The following CDH12 variants were observed in gnomAD, a reference collection of about 807,000 sequenced individuals.
The protein encoded by CDH12 is cadherin 12.
CDH12 carries 41 observed loss-of-function variants against 74.1 expected under a neutral mutation model. The observed-to-expected ratio is 0.55, with a 90% CI of 0.43 to 0.72. The LOEUF is 0.72. CDH12 is among the 30% of genes least tolerant of loss of function. The pLI, the probability that CDH12 is intolerant of heterozygous loss-of-function variation, is 0.00. For missense variants in CDH12, 945 were observed against 977.2 expected (o/e 0.97, Z 0.44); for synonymous variants, 399 against 355.0 (o/e 1.12, Z -1.39).
chr5:22,452,749 G>T (rs953447526), intron 2 of CDH12, among the ~76,000 whole-genome samples: 5 of 151,350 alleles, frequency 3.3e-5, no homozygotes, highest in African/African-American at 1.2e-4. Flanking sequence ...AAAACCTTCT[G>T]CACAACAGAG....
At chr5:22,414,002 T>G (rs551117411) in intron 2 of CDH12, among the ~76,000 whole-genome samples, 28 of 152,168 alleles carry the variant, frequency 1.8e-4, no homozygotes, top group African/African-American at 6.3e-4. Context: ...TAATTACATT[T>G]AGTCCTCAAA....
intron 5 of CDH12, among the ~76,000 whole-genome samples, chr5:22,051,386 T>C (rs983095514): frequency 6.6e-6 from 1 of 152,306 alleles, no homozygotes; most frequent in African/African-American, 2.4e-5. Context: ...TAAAATATGA[T>C]ATTTTAATTC....
chr5:21,942,347 T>TATATATATATATAC (rs1225173229), intron 6 of CDH12, among the ~76,000 whole-genome samples: 7 of 129,668 alleles, frequency 5.4e-5, no homozygotes, highest in African/African-American at 1.9e-4. Flanking sequence ...TATATATATA[T>TATATATATATATAC]ACACACACAC....
intron 3 of CDH12, among the ~76,000 whole-genome samples, chr5:22,382,472 G>A (rs2968279): frequency 0.42 from 63,239 of 151,298 alleles, 14,540 homozygotes; most frequent in Non-Finnish European, 0.52. Context: ...GCATCATGAG[G>A]CTTCCTAGCT....
At chr5:22,376,178 G>T (rs184034804) in intron 3 of CDH12, among the ~76,000 whole-genome samples, 1 of 152,172 alleles carries the variant, frequency 6.6e-6, no homozygotes, top group Non-Finnish European at 1.5e-5. Context: ...AGGTCATTAT[G>T]TTAAGTGAGA....
intron 6 of CDH12, among the ~76,000 whole-genome samples, chr5:21,946,248 A>G (rs1471499269): frequency 1.3e-5 from 2 of 152,188 alleles, no homozygotes; most frequent in African/African-American, 4.8e-5. Context: ...TAACAAACTT[A>G]CCTTTAAAGA....
At chr5:22,448,869 G>A (rs1744932590) in intron 2 of CDH12, among the ~76,000 whole-genome samples, 1 of 151,760 alleles carries the variant, frequency 6.6e-6, no homozygotes, top group Non-Finnish European at 1.5e-5. Context: ...ATAATGTATA[G>A]AAAAATGCTT....
At chr5:22,434,138 G>T (rs1744280585) in intron 2 of CDH12, among the ~76,000 whole-genome samples, 1 of 152,120 alleles carries the variant, frequency 6.6e-6, no homozygotes, top group Non-Finnish European at 1.5e-5. Flanking sequence ...AAATATTTGT[G>T]TAGAGCTATT....
chr5:22,401,621 A>G (rs554567898), intron 3 of CDH12, among the ~76,000 whole-genome samples: 1 of 152,286 alleles, frequency 6.6e-6, no homozygotes, highest in South Asian at 2.1e-4. Context: ...TTTCCAAACT[A>G]TCATACAAGT....
chr5:21,799,916 A>C (rs1747016326), intron 10 of CDH12, among the ~76,000 whole-genome samples: 1 of 152,160 alleles, frequency 6.6e-6, no homozygotes, highest in Non-Finnish European at 1.5e-5. Context: ...GGTGGAGGTT[A>C]TATTGCCACC....
chr5:22,833,907 T>C (rs987323038), intron 1 of CDH12, among the ~76,000 whole-genome samples: 1 of 152,070 alleles, frequency 6.6e-6, no homozygotes, highest in African/African-American at 2.4e-5. Flanking sequence ...AAACTTCCCT[T>C]AGAAATAACC....
chr5:21,875,560 T>C (rs1166798148), intron 6 of CDH12, among the ~76,000 whole-genome samples: 2 of 124 alleles, frequency 0.016, no homozygotes, highest in Admixed American at 0.1. Context: ...ACCATTGCTC[T>C]GTCCAAAACT....
At chr5:22,775,012 T>C (rs1281523929) in intron 1 of CDH12, among the ~76,000 whole-genome samples, 1 of 151,402 alleles carries the variant, frequency 6.6e-6, no homozygotes, top group African/African-American at 2.4e-5. Context: ...ACAAACAATG[T>C]TTTATATATT....
intron 1 of CDH12, among the ~76,000 whole-genome samples, chr5:22,627,971 A>G (rs1738385484): frequency 6.6e-6 from 1 of 152,184 alleles, no homozygotes. Context: ...CTTTAATCCA[A>G]CAAAGATTAA....
chr5:22,347,067 G>C (rs956511524), intron 3 of CDH12, among the ~76,000 whole-genome samples: 4 of 152,214 alleles, frequency 2.6e-5, no homozygotes, highest in Non-Finnish European at 4.4e-5. Context: ...AAGGATAAAA[G>C]TGATTGTTGC....
At chr5:22,708,774 A>G (rs1743149683) in intron 1 of CDH12, among the ~76,000 whole-genome samples, 1 of 152,218 alleles carries the variant, frequency 6.6e-6, no homozygotes, top group African/African-American at 2.4e-5. Flanking sequence ...AAATAGAAAA[A>G]TGAATATAAG....
chr5:21,955,632 G>A (rs1167416522), intron 6 of CDH12, among the ~76,000 whole-genome samples: 2 of 151,998 alleles, frequency 1.3e-5, no homozygotes, highest in Non-Finnish European at 2.9e-5. Flanking sequence ...GTTTCAGGGT[G>A]AATGAGAAAG....
intron 1 of CDH12, among the ~76,000 whole-genome samples, chr5:22,806,238 T>G (rs916246871): frequency 2.0e-5 from 3 of 152,110 alleles, no homozygotes; most frequent in African/African-American, 7.2e-5. Context: ...CGCCACACTG[T>G]CTTCCACAAT....
intron 4 of CDH12, among the ~76,000 whole-genome samples, chr5:22,128,212 G>T (rs1745990101): frequency 1.3e-5 from 2 of 152,032 alleles, no homozygotes; most frequent in African/African-American, 4.8e-5. Flanking sequence ...GAAATGATTT[G>T]CCCATTGCCA....
Sources: gnomAD v4.1 joint callset for allele counts (sites outside exome capture counted in the v4.1 genomes callset) on GRCh38, gnomAD v4.1.1 for gene constraint, MANE v1.5 for transcripts, NCBI Gene and HGNC (gene_info 2026-07-23, HGNC 2026-07-21) for gene names.